The following KIF21A variants were observed in gnomAD, a reference collection of about 807,000 sequenced individuals.
The protein encoded by KIF21A is kinesin-like protein KIF21A.
In KIF21A, 114 loss-of-function variants were observed where a neutral mutation model predicts 202.9. The observed-to-expected ratio is 0.56, with a 90% CI of 0.48 to 0.66. The LOEUF (loss-of-function observed/expected upper bound fraction) is 0.66, where lower values mean the gene tolerates loss of function less well. Among genes scored for constraint, KIF21A ranks in the 30% least tolerant of loss-of-function variants. KIF21A has a pLI of 0.00. For synonymous variants in KIF21A, 667 were observed against 670.8 expected, an observed-to-expected ratio of 0.99 and a Z score of 0.09; for missense variants, 1,677 against 1,994.9, an observed-to-expected ratio of 0.84 and a Z score of 3.04.
intron 1 of KIF21A, among the ~76,000 whole-genome samples, chr12:39,423,983 CAAAAAAAAAAAAA>C (rs35526386): frequency 0.058 from 1,495 of 25,692 alleles, 50 homozygotes; most frequent in African/African-American, 0.13. Flanking sequence ...GACTCTGTCT[CAAAAAAAAAAAAA>C]AAAAAAAAAA....
rs574071117 is a variant in KIF21A at position 39,372,326 on chromosome 12, C to A, written c.45-2065G>T. 3.2e-4 allele frequency among the ~76,000 whole-genome samples: 49 copies of A among 152,206 alleles called. 1 individual carries two copies. Among genetic ancestry groups the A allele is most frequent in the Non-Finnish European group, 6.2e-4 (42 of 68,000 alleles). On this transcript the variant is annotated intron_variant, in intron 1 of 37. Transcript: ENST00000361418. ...TCTCCTCTATGATACTGGTATTTTT[C>A]TTTAATAAAGTCTTCAGCTTTGTTT...
intron 1 of KIF21A, among the ~76,000 whole-genome samples, chr12:39,394,558 G>A (rs1951595765): frequency 6.6e-6 from 1 of 152,098 alleles, no homozygotes; most frequent in Non-Finnish European, 1.5e-5. Flanking sequence ...ACAATCTCAA[G>A]ACTTGAAAAG....
intron 26 of KIF21A, 116 bp from the exon 27 acceptor site, chr12:39,322,998 T>A (rs1945448856): frequency 1.3e-6 from 1 of 757,026 alleles, no homozygotes; most frequent in Non-Finnish European, 2.1e-6. Context: ...TGTCTTTTCC[T>A]AGGTGTGCCA....
intron 1 of KIF21A, among the ~76,000 whole-genome samples, chr12:39,416,687 GTA>G (rs34970852): frequency 0.054 from 4,690 of 86,546 alleles, 1,011 homozygotes; most frequent in African/African-American, 0.22. Context: ...ATATATGTGT[GTA>G]TATATATATG....
At chr12:39,355,616 G>C (rs114715176) in intron 10 of KIF21A, among the ~76,000 whole-genome samples, 2 of 150,494 alleles carry the variant, frequency 1.3e-5, no homozygotes, top group Non-Finnish European at 2.9e-5. Context: ...CTCTCAACAC[G>C]GGGTAGAAAC....
intron 21 of KIF21A, 61 bp downstream of exon 21, chr12:39,332,153 A>G: frequency 1.4e-6 from 2 of 1,470,478 alleles, no homozygotes; most frequent in Non-Finnish European, 9.5e-7. Context: ...AGTGCTTTGA[A>G]CAATAAACAA....
chr12:39,356,481 A>C, intron 10 of KIF21A: 19 of 173,392 alleles, frequency 1.1e-4, no homozygotes, highest in South Asian at 6.6e-4. Flanking sequence ...ATGTGTAGAT[A>C]TTGATCTATT....
chr12:39,350,605 G>C (rs942980256), intron 11 of KIF21A, among the ~76,000 whole-genome samples: 1 of 151,922 alleles, frequency 6.6e-6, no homozygotes, highest in Non-Finnish European at 1.5e-5. Context: ...AGTTTCAATT[G>C]CCCTCCATAA....
intron 1 of KIF21A, among the ~76,000 whole-genome samples, chr12:39,425,664 G>A (rs373957089): frequency 2.2e-4 from 34 of 152,236 alleles, no homozygotes; most frequent in African/African-American, 7.9e-4. Flanking sequence ...TATAAGTGTT[G>A]AGAATATGAT....
rs548709583 is a variant in KIF21A, at chr12:39,295,762, G to A, written c.4932-1245C>T. Among the ~76,000 whole-genome samples, 126 of 137,946 alleles carry A rather than the reference G, an allele frequency of 9.1e-4. No homozygotes were observed. The South Asian group carries it at 0.028, about 30-fold the overall frequency. The allele number at this position is 137,946 out of a possible 152,430, so 90.5% of individuals were successfully genotyped here. Reference sequence around the variant, plus strand: ...TTGCCAGGCTGGAATGCAGTGGCGCGATCTCGGCTCCTCTGCGCAAACTCT... The same window carrying A: ...TTGCCAGGCTGGAATGCAGTGGCGCAATCTCGGCTCCTCTGCGCAAACTCT... On this transcript the variant is annotated intron_variant, in intron 37 of 37. Coordinates refer to ENST00000361418, the MANE Select transcript of KIF21A (RefSeq NM_001173464.2).
intron 1 of KIF21A, among the ~76,000 whole-genome samples, chr12:39,392,400 C>T (rs1951436307): frequency 6.6e-6 from 1 of 152,150 alleles, no homozygotes; most frequent in Admixed American, 6.6e-5. Flanking sequence ...CCAGTCCTAC[C>T]AGGCTGCAGT....
At chr12:39,366,918 A>T in intron 5 of KIF21A, 112 bp downstream of exon 5, 1 of 1,054,430 alleles carries the variant, frequency 9.5e-7, no homozygotes, top group East Asian at 2.5e-5. Context: ...AGGAAATTAG[A>T]AAAAGGAATG....
At chr12:39,398,311 A>C (rs1566155973) in intron 1 of KIF21A, among the ~76,000 whole-genome samples, 1 of 152,184 alleles carries the variant, frequency 6.6e-6, no homozygotes, top group Non-Finnish European at 1.5e-5. Flanking sequence ...TAAACACACA[A>C]AAAATAGGCC....
chr12:39,377,337 C>T (rs1432604971), intron 1 of KIF21A, among the ~76,000 whole-genome samples: 1 of 152,126 alleles, frequency 6.6e-6, no homozygotes, highest in Non-Finnish European at 1.5e-5. Context: ...TTATTTCTTA[C>T]TAAATTCCTT....
chr12:39,388,263 C>T lies in KIF21A; in HGVS notation c.45-18002G>A, dbSNP rs187096929. Among the ~76,000 whole-genome samples the T allele has an allele frequency of 9.9e-4, 150 of 152,254 alleles. 1 individual carries two copies. Among genetic ancestry groups the T allele is most frequent in the African/African-American group, 3.3e-3 (138 of 41,560 alleles). ...TGTTAAAAAGAGCTTGGAATCTCCT[C>T]CCTTCTTGCTTCCTCTCTCACCATG... On this transcript the variant is annotated intron_variant, in intron 1 of 37. Coordinates refer to ENST00000361418, the MANE Select transcript of KIF21A (RefSeq NM_001173464.2).
rs769639690 is a variant in KIF21A at position 39,294,446 on chromosome 12, C to T, written c.5003G>A (p.Gly1668Glu). ...TGTTTAATTACTGGCAATATCTTCC[C>T]CCAGATCTCCTGTGTCAGAGATCTG... is the stretch of plus-strand genomic sequence containing the variant. ...DGQISDTGDL[G>E]EDIASN The change falls in exon 38 of 38, where the codon GGG (glycine) becomes GAG (glutamate). Residue 1668 changes from glycine to glutamate, a missense_variant. By Grantham distance (98) the Gly-to-Glu change is moderately conservative. This residue lies in a region of KIF21A where 705 missense variants were observed against 791.9 expected (regional missense o/e 0.89). Coordinates refer to ENST00000361418, the MANE Select transcript of KIF21A (RefSeq NM_001173464.2). The T allele has an allele frequency of 1.9e-6, 3 of 1,612,932 alleles. No homozygotes were observed. Among genetic ancestry groups the T allele is most frequent in the Admixed American group, 1.7e-5 (1 of 60,020 alleles).
intron 33 of KIF21A, 150 bp downstream of exon 33, chr12:39,309,436 T>C: frequency 1.6e-6 from 1 of 610,356 alleles, no homozygotes; most frequent in Non-Finnish European, 2.8e-6. Flanking sequence ...TCTGTGCTTT[T>C]CTTTGTGAAC....
chr12:39,298,540 G>A (rs934493812), intron 37 of KIF21A, among the ~76,000 whole-genome samples: 3 of 152,104 alleles, frequency 2.0e-5, no homozygotes, highest in Admixed American at 6.5e-5. Flanking sequence ...TTAAACTTTC[G>A]TAGAAGAGCC....
chr12:39,389,472 C>T (rs1376784440), intron 1 of KIF21A, among the ~76,000 whole-genome samples: 1 of 152,100 alleles, frequency 6.6e-6, no homozygotes, highest in Non-Finnish European at 1.5e-5. Context: ...GCCAGATGCC[C>T]TAACTGGCAA....
Sources: allele counts gnomAD v4.1 joint callset (sites outside exome capture counted in the v4.1 genomes callset), GRCh38; gene constraint gnomAD v4.1.1; regional missense constraint gnomAD v4.1.1; transcripts MANE v1.5; gene names NCBI Gene and HGNC (gene_info 2026-07-23, HGNC 2026-07-21).